The following NCOA2 variants were observed in gnomAD, a reference collection of about 807,000 sequenced individuals.
NCOA2 encodes the protein nuclear receptor coactivator 2.
NCOA2 carries 21 observed loss-of-function variants against 145.1 expected under a neutral mutation model. The observed-to-expected ratio is 0.14, with a 90% CI of 0.10 to 0.21. The LOEUF is 0.21. NCOA2 is among the 10% of genes least tolerant of loss of function. The probability of loss-of-function intolerance (pLI) is 1.00; values close to 1 mark genes in which losing one functional copy is unlikely to be tolerated. For missense variants in NCOA2, 1,472 were observed against 1,837.6 expected, an observed-to-expected ratio of 0.80 and a Z score of 3.64; for synonymous variants, 619 against 637.5, an observed-to-expected ratio of 0.97 and a Z score of 0.44.
chr8:70,205,688 G>A (rs536116206), intron 4 of NCOA2, among the ~76,000 whole-genome samples: 11 of 152,248 alleles, frequency 7.2e-5, no homozygotes, highest in East Asian at 5.8e-4. Flanking sequence ...TATGTCATGG[G>A]GAAGAGATGC....
intron 1 of NCOA2, among the ~76,000 whole-genome samples, chr8:70,304,821 TG>T (rs1167186237): frequency 2.7e-5 from 4 of 150,448 alleles, no homozygotes; most frequent in Admixed American, 2.6e-4. Context: ...CTTAAGACTA[TG>T]GGTAAGAAAA....
chr8:70,367,551 T>C (rs1032185734), intron 1 of NCOA2, among the ~76,000 whole-genome samples: 5 of 152,172 alleles, frequency 3.3e-5, no homozygotes, highest in African/African-American at 1.2e-4. Context: ...GGACCAATAA[T>C]CACAGTACTC....
rs1563754337 is a variant in NCOA2, at chr8:70,314,675, GGATT to G, written c.-76-17879_-76-17876del. Reference sequence around the variant, plus strand: ...AATATAATTTAAAAAATAATGAAAAGGATTGTTATTTAAGCATTCCAAAATTGTT... The same window carrying G: ...AATATAATTTAAAAAATAATGAAAAGGTTATTTAAGCATTCCAAAATTGTT... On this transcript the variant is annotated intron_variant, in intron 1 of 22. Transcript: ENST00000452400. 2.6e-5 allele frequency among the ~76,000 whole-genome samples: 4 copies of G among 152,298 alleles called. No homozygotes were observed. The South Asian group carries it at 6.2e-4, about 24-fold the overall frequency.
the NCOA2 span, among the ~76,000 whole-genome samples, chr8:70,443,347 C>A: frequency 0.024 from 3,592 of 152,070 alleles, 142 homozygotes; most frequent in African/African-American, 0.08. Context: ...GCACTCCAAC[C>A]TGGGTGACAG....
At chr8:70,153,094 G>A (rs1016772048) in intron 11 of NCOA2, among the ~76,000 whole-genome samples, 2 of 152,130 alleles carry the variant, frequency 1.3e-5, no homozygotes, top group Non-Finnish European at 2.9e-5. Context: ...CACTTCCTGT[G>A]GTAACTTTTC....
intron 2 of NCOA2, among the ~76,000 whole-genome samples, chr8:70,239,508 C>T (rs1018016390): frequency 6.6e-6 from 1 of 152,188 alleles, no homozygotes; most frequent in Non-Finnish European, 1.5e-5. Context: ...ATTCCCACAG[C>T]TCTTCCTAAG....
At chr8:70,417,281 G>C in the NCOA2 span, among the ~76,000 whole-genome samples, 1 of 138,018 alleles carries the variant, frequency 7.2e-6, no homozygotes, top group East Asian at 2.0e-4. Flanking sequence ...AGGCGCAGGG[G>C]CTCATGCCTG....
At chr8:70,139,448 A>G (rs1402416457) in intron 14 of NCOA2, among the ~76,000 whole-genome samples, 1 of 152,070 alleles carries the variant, frequency 6.6e-6, no homozygotes, top group Non-Finnish European at 1.5e-5. Context: ...AGTTTTTAGC[A>G]TTTTTCGTGC....
At chr8:70,153,942 G>A (rs1313837679) in intron 11 of NCOA2, among the ~76,000 whole-genome samples, 4 of 152,156 alleles carry the variant, frequency 2.6e-5, no homozygotes, top group Non-Finnish European at 4.4e-5. Flanking sequence ...AATTGTATCC[G>A]ACCTTTAGGA....
rs16936734 is a variant in NCOA2, at chr8:70,123,817, T to C, written c.4293+67A>G. The C allele has an allele frequency of 8.1e-4, 1,092 of 1,355,236 alleles. 11 individuals are homozygous for C. In the African/African-American group the frequency reaches 0.014, roughly 18 times the overall value. 84.0% of individuals were successfully genotyped at this position (1,355,236 alleles called of 1,614,324 possible). A position where few individuals can be genotyped will look rare whatever the true frequency, so the allele number is the denominator to read the frequency against. Reference sequence around the variant, plus strand: ...AAAGTCAGATACATGGAAAGATATATTTGATGCAGAAGTAGAAAAAAAGCC... The same window carrying C: ...AAAGTCAGATACATGGAAAGATATACTTGATGCAGAAGTAGAAAAAAAGCC... On this transcript the variant is annotated intron_variant, in intron 21 of 22. Transcript: ENST00000452400.
intron 21 of NCOA2, among the ~76,000 whole-genome samples, chr8:70,121,596 A>G (rs1318834888): frequency 1.3e-5 from 2 of 152,252 alleles, no homozygotes; most frequent in East Asian, 3.8e-4. Context: ...CTCATGAAAT[A>G]CTAGCTGCCT....
chr8:70,308,995 G>T (rs577795192), intron 1 of NCOA2, among the ~76,000 whole-genome samples: 138 of 152,262 alleles, frequency 9.1e-4, no homozygotes, highest in Non-Finnish European at 1.5e-3. Flanking sequence ...GCAGTATTTT[G>T]GGACTTCTGA....
At chr8:70,440,956 A>T in the NCOA2 span, among the ~76,000 whole-genome samples, 2 of 150,766 alleles carry the variant, frequency 1.3e-5, no homozygotes, top group East Asian at 3.9e-4. Context: ...AGAAGAAAGA[A>T]AGAAAAGAAA....
intron 1 of NCOA2, among the ~76,000 whole-genome samples, chr8:70,342,686 C>A (rs1300006884): frequency 1.3e-5 from 2 of 150,504 alleles, no homozygotes; most frequent in Non-Finnish European, 3.0e-5. Flanking sequence ...TGCCAGAATA[C>A]ACATTATAAT....
chr8:70,279,864 T>C (rs1038871070), intron 2 of NCOA2, among the ~76,000 whole-genome samples: 3 of 152,086 alleles, frequency 2.0e-5, no homozygotes, highest in African/African-American at 7.2e-5. Flanking sequence ...CACAAGAAAG[T>C]AGAGAAAAAG....
At chr8:70,392,070 A>G (rs1161725103) in intron 1 of NCOA2, among the ~76,000 whole-genome samples, 3 of 152,210 alleles carry the variant, frequency 2.0e-5, no homozygotes, top group Admixed American at 1.3e-4. Flanking sequence ...TTATACAGGG[A>G]TTCACTGTAC....
chr8:70,357,001 G>C (rs1809761828), intron 1 of NCOA2, among the ~76,000 whole-genome samples: 1 of 152,036 alleles, frequency 6.6e-6, no homozygotes, highest in Non-Finnish European at 1.5e-5. Context: ...ATAGTTCTTT[G>C]AGGGTAGCTT....
chr8:70,292,932 C>A (rs1458487467), intron 2 of NCOA2, among the ~76,000 whole-genome samples: 1 of 152,216 alleles, frequency 6.6e-6, no homozygotes, highest in African/African-American at 2.4e-5. Context: ...CCTACATCAT[C>A]CTGAGTTCAG....
At chr8:70,288,358 C>A (rs1343896436) in intron 2 of NCOA2, among the ~76,000 whole-genome samples, 1 of 152,002 alleles carries the variant, frequency 6.6e-6, no homozygotes, top group Non-Finnish European at 1.5e-5. Flanking sequence ...GTGGGCAGAT[C>A]CCCTGAGGTT....
Sources: allele counts gnomAD v4.1 joint callset (sites outside exome capture counted in the v4.1 genomes callset), GRCh38; gene constraint gnomAD v4.1.1; transcripts MANE v1.5; gene names NCBI Gene and HGNC (gene_info 2026-07-23, HGNC 2026-07-21).